DYNC1I1: variants seen among roughly 807,000 people sequenced by gnomAD.
The protein encoded by DYNC1I1 is cytoplasmic dynein 1 intermediate chain 1.
In DYNC1I1, 43 loss-of-function variants were observed where a neutral mutation model predicts 86.6. The ratio of observed to expected loss-of-function variants is 0.50; its 90% CI spans 0.39 to 0.64. The LOEUF (loss-of-function observed/expected upper bound fraction) is 0.64. Ranked by LOEUF, DYNC1I1 falls within the 30% of genes least tolerant of loss-of-function variation. The pLI is 0.00. For synonymous variants in DYNC1I1, 262 were observed against 283.7 expected (o/e 0.92, Z 0.77); for missense variants, 604 against 788.8 (o/e 0.77, Z 2.81).
chr7:95,840,253 GT>G (rs1789244097), intron 5 of DYNC1I1, among the ~76,000 whole-genome samples: 1 of 150,758 alleles, frequency 6.6e-6, no homozygotes, highest in Non-Finnish European at 1.5e-5. Flanking sequence ...TATCTTCACT[GT>G]TTTTTATTCT....
chr7:96,103,730 A>C (rs1791171515), intron 16 of DYNC1I1, among the ~76,000 whole-genome samples: 1 of 151,754 alleles, frequency 6.6e-6, no homozygotes, highest in Admixed American at 6.6e-5. Flanking sequence ...CTCCTGCCTC[A>C]GCCTCCTGAG....
intron 5 of DYNC1I1, among the ~76,000 whole-genome samples, chr7:95,855,232 AT>A (rs927571629): frequency 5.9e-5 from 9 of 151,856 alleles, no homozygotes; most frequent in South Asian, 2.1e-4. Flanking sequence ...TACTTTGCAG[AT>A]TTTTTTTCCC....
At chr7:95,950,172 C>T (rs1044324671) in intron 6 of DYNC1I1, among the ~76,000 whole-genome samples, 1 of 152,144 alleles carries the variant, frequency 6.6e-6, no homozygotes, top group Non-Finnish European at 1.5e-5. Flanking sequence ...ACGAGCCTTG[C>T]GAAAACACAG....
At chr7:95,867,892 TTTC>T (rs1482122049) in intron 5 of DYNC1I1, among the ~76,000 whole-genome samples, 16 of 152,336 alleles carry the variant, frequency 1.1e-4, no homozygotes, top group Middle Eastern at 3.4e-3. Context: ...CTTTTCATGT[TTTC>T]TTCTTTAGGT....
chr7:96,059,042 T>A (rs913933331), intron 14 of DYNC1I1, among the ~76,000 whole-genome samples: 2 of 152,144 alleles, frequency 1.3e-5, no homozygotes, highest in African/African-American at 4.8e-5. Flanking sequence ...AGGGAGATAC[T>A]GGATTTGATT....
At chr7:95,924,956 C>G (rs1791705218) in intron 6 of DYNC1I1, among the ~76,000 whole-genome samples, 1 of 152,168 alleles carries the variant, frequency 6.6e-6, no homozygotes, top group African/African-American at 2.4e-5. Context: ...AAGGACAGCC[C>G]TCTGATCTCT....
At chr7:95,917,791 T>G (rs1250640605) in intron 6 of DYNC1I1, among the ~76,000 whole-genome samples, 1 of 152,210 alleles carries the variant, frequency 6.6e-6, no homozygotes, top group Non-Finnish European at 1.5e-5. Context: ...TCATAGCTGG[T>G]AGGTGCCACT....
At chr7:96,068,876 T>C (rs1790075428) in intron 14 of DYNC1I1, among the ~76,000 whole-genome samples, 1 of 152,210 alleles carries the variant, frequency 6.6e-6, no homozygotes, top group Non-Finnish European at 1.5e-5. Context: ...GTTGGCAGTT[T>C]AAGGGCGAGG....
At chr7:95,958,064 G>T (rs761265202) in intron 6 of DYNC1I1, among the ~76,000 whole-genome samples, 1 of 152,104 alleles carries the variant, frequency 6.6e-6, no homozygotes, top group African/African-American at 2.4e-5. Flanking sequence ...TGCATTGTAG[G>T]ATATTTAGCA....
At chr7:95,920,892 T>C (rs1332720360) in intron 6 of DYNC1I1, among the ~76,000 whole-genome samples, 2 of 152,330 alleles carry the variant, frequency 1.3e-5, no homozygotes, top group South Asian at 4.1e-4. Flanking sequence ...ATCCAAAGTA[T>C]GAGAAAGTTC....
chr7:95,803,970 A>T (rs1794644378), intron 1 of DYNC1I1, among the ~76,000 whole-genome samples: 1 of 152,046 alleles, frequency 6.6e-6, no homozygotes, highest in Non-Finnish European at 1.5e-5. Context: ...GTTTGGATAA[A>T]TTTTCCCAAG....
At chr7:95,804,392 T>A (rs1794656135) in intron 1 of DYNC1I1, 2 of 1,270,296 alleles carry the variant, frequency 1.6e-6, no homozygotes, top group South Asian at 2.6e-5. Flanking sequence ...TTTGATTCTC[T>A]TATTTATTTT....
At chr7:96,090,871 A>G (rs1790819740) in intron 16 of DYNC1I1, among the ~76,000 whole-genome samples, 1 of 152,158 alleles carries the variant, frequency 6.6e-6, no homozygotes. Flanking sequence ...CACCCTCTGT[A>G]TATTGCATTC....
At chr7:95,944,540 C>T (rs1056477476) in intron 6 of DYNC1I1, among the ~76,000 whole-genome samples, 158 of 152,222 alleles carry the variant, frequency 1.0e-3, no homozygotes, top group Non-Finnish European at 1.7e-3. Context: ...ACCCAAAGGA[C>T]TATAAATCAT....
chr7:95,863,358 G>T (rs897957837), intron 5 of DYNC1I1, among the ~76,000 whole-genome samples: 1 of 152,074 alleles, frequency 6.6e-6, no homozygotes, highest in Non-Finnish European at 1.5e-5. Context: ...CGGGAATGGG[G>T]AGTGACTGCC....
rs59063059 is a variant in DYNC1I1, at chr7:96,070,596, C to G, written c.1510-5461C>G. 8.2e-3 allele frequency among the ~76,000 whole-genome samples: 1,249 copies of G among 152,160 alleles called. 20 individuals are homozygous for G. The highest frequency in any genetic ancestry group is 0.029 in the African/African-American group (1,194 of 41,520). On this transcript the variant is annotated intron_variant, in intron 14 of 16. Transcript: ENST00000447467. ...TTATAACTTAGAAATTTTACTGTTA[C>G]TTTATGCCCCTTTTCCCACCGACCC...
chr7:96,015,786 C>T (rs577544880), intron 10 of DYNC1I1, among the ~76,000 whole-genome samples: 4 of 152,118 alleles, frequency 2.6e-5, no homozygotes, highest in East Asian at 3.9e-4. Flanking sequence ...TCGGTGGACA[C>T]GACAATGGTG....
At chr7:95,934,457 TATAAA>T (rs1405360828) in intron 6 of DYNC1I1, among the ~76,000 whole-genome samples, 1 of 152,198 alleles carries the variant, frequency 6.6e-6, no homozygotes, top group East Asian at 1.9e-4. Flanking sequence ...TGGCTGAACT[TATAAA>T]ATACTGAAAC....
chr7:95,997,583 T>TTTTGTG (rs1491165108), intron 10 of DYNC1I1, among the ~76,000 whole-genome samples: 1 of 142,756 alleles, frequency 7.0e-6, no homozygotes, highest in East Asian at 2.2e-4. Context: ...AAGGGCATTC[T>TTTTGTG]TGTGTGTGTG....
Sources: gnomAD v4.1 joint callset for allele counts (sites outside exome capture counted in the v4.1 genomes callset) on GRCh38, gnomAD v4.1.1 for gene constraint, MANE v1.5 for transcripts, NCBI Gene and HGNC (gene_info 2026-07-23, HGNC 2026-07-21) for gene names.